TPMT: variants seen among roughly 807,000 people sequenced by gnomAD.
The protein encoded by TPMT is S-adenosyl-L-methionine:thiopurine S-methyltransferase.
Under a neutral mutation model 34.2 loss-of-function variants are expected in TPMT, and 18 were observed. The ratio of observed to expected loss-of-function variants is 0.53; its 90% CI spans 0.36 to 0.78. TPMT has a LOEUF of 0.78. TPMT is among the 30% of genes least tolerant of loss of function. The pLI, the probability that TPMT is intolerant of heterozygous loss-of-function variation, is 0.00. For missense variants in TPMT, 265 were observed against 288.1 expected (o/e 0.92, Z 0.58); for synonymous variants, 69 against 92.4 (o/e 0.75, Z 1.45).
rs903629228 is a variant in TPMT at position 18,132,618 on chromosome 6, T to C, written c.581-441A>G. On this transcript the variant is annotated intron_variant, in intron 7 of 8. Transcript: ENST00000309983. This position sits in a 1 kb window ranked among gnomAD's most constrained non-coding sequence, Gnocchi z 4.8. ...GACTCCACCTCCAGACAGGGCCTGC[T>C]GTATTTTCTTCCCAAAGGTTCTTTG... Among the ~76,000 whole-genome samples, 13 of 152,172 alleles carry C rather than the reference T, an allele frequency of 8.5e-5. No individual in the cohort carries two copies. The highest frequency in any genetic ancestry group is 3.1e-4 in the African/African-American group (13 of 41,448).
Position 18,153,301 on chromosome 6 carries a change from A to G in TPMT, c.-45+1732T>C, listed in dbSNP as rs1342394830. Among the ~76,000 whole-genome samples the G allele has an allele frequency of 6.6e-6, 1 of 152,236 alleles. No individual in the cohort carries two copies. Among genetic ancestry groups the G allele is most frequent in the Non-Finnish European group, 1.5e-5 (1 of 68,050 alleles). ...CTTCTCATTCTTCAGCTGACAGACC[A>G]TAACTGCAGATCCATCTGAATGTAT... On this transcript the variant is annotated intron_variant, in intron 1 of 8. Transcript: ENST00000309983. This position sits in a 1 kb window ranked among gnomAD's most constrained non-coding sequence, Gnocchi z 4.2.
chr6:18,134,879 A>G (rs935884367), intron 6 of TPMT, among the ~76,000 whole-genome samples: 3 of 152,188 alleles, frequency 2.0e-5, no homozygotes, highest in Non-Finnish European at 4.4e-5. Flanking sequence ...GAGACAGGCC[A>G]AGGACAAAGA....
rs1784242028 is a variant in TPMT, at chr6:18,146,105, T to C, written c.233+1718A>G. Reference sequence around the variant, plus strand: ...TCAATACATAGATCAGTTACATAAATGAAAAATCATCTACTATCATAACTT... The same window carrying C: ...TCAATACATAGATCAGTTACATAAACGAAAAATCATCTACTATCATAACTT... On this transcript the variant is annotated intron_variant, in intron 3 of 8. Transcript: ENST00000309983. The surrounding 1 kb of genome is among the most constrained non-coding windows in gnomAD (Gnocchi z 6.2). Among the ~76,000 whole-genome samples the C allele has an allele frequency of 2.0e-5, 3 of 152,272 alleles. No individual in the cohort carries two copies. In the South Asian group the frequency reaches 6.2e-4, roughly 32 times the overall value.
In TPMT at chr6:18,145,021, C is replaced by A. The variant is rs1382171926; in HGVS notation, c.234-1293G>T. Among the ~76,000 whole-genome samples the A allele has an allele frequency of 6.6e-6, 1 of 152,152 alleles. No individual in the cohort carries two copies. Among genetic ancestry groups the A allele is most frequent in the Non-Finnish European group, 1.5e-5 (1 of 68,034 alleles). On this transcript the variant is annotated intron_variant, in intron 3 of 8. Coordinates refer to ENST00000309983, the MANE Select transcript of TPMT (RefSeq NM_000367.5). This position sits in a 1 kb window ranked among gnomAD's most constrained non-coding sequence, Gnocchi z 5.6. ...CAGTCCTGGTAAGTTTTATAATGAA[C>A]AGAATTCAGTCTCAGGATCTTGGAC...
chr6:18,146,183 A>T lies in TPMT; in HGVS notation c.233+1640T>A, dbSNP rs1784243591. ...GCTCAGTTCATATATATATATACATAAAAATAACTGTATTTACGTATATAT... is the reference window on the plus strand; with the variant it reads ...GCTCAGTTCATATATATATATACATTAAAATAACTGTATTTACGTATATAT... On this transcript the variant is annotated intron_variant, in intron 3 of 8. Transcript: ENST00000309983. The surrounding 1 kb of genome is among the most constrained non-coding windows in gnomAD (Gnocchi z 6.2). 6.6e-6 allele frequency among the ~76,000 whole-genome samples: 1 copy of T among 151,822 alleles called. No individual in the cohort carries two copies. The highest frequency in any genetic ancestry group is 1.9e-4 in the East Asian group (1 of 5,190).
Position 18,145,023 on chromosome 6 carries a change from GA to G in TPMT, c.234-1296del, listed in dbSNP as rs1171540215. On this transcript the variant is annotated intron_variant, in intron 3 of 8. Transcript: ENST00000309983. This position sits in a 1 kb window ranked among gnomAD's most constrained non-coding sequence, Gnocchi z 5.6. The stretch of plus-strand genomic sequence containing the variant: ...GTCCTGGTAAGTTTTATAATGAACA[GA>G]ATTCAGTCTCAGGATCTTGGACTCA... Among the ~76,000 whole-genome samples, 1 of 152,182 alleles carries G rather than the reference GA, an allele frequency of 6.6e-6. No individual in the cohort carries two copies. Among genetic ancestry groups the G allele is most frequent in the African/African-American group, 2.4e-5 (1 of 41,458 alleles).
chr6:18,149,154 A>G lies in TPMT; in HGVS notation c.-27T>C. On this transcript the variant is annotated 5_prime_UTR_variant, in exon 2 of 9. Coordinates refer to ENST00000309983, the MANE Select transcript of TPMT (RefSeq NM_000367.5). The surrounding 1 kb of genome is among the most constrained non-coding windows in gnomAD (Gnocchi z 5.0). ...GTTTCAGAGACACCTTTGTCTCACAAGCATATGTCTTCCGTGCCTACGTGG... is the reference window on the plus strand; with the variant it reads ...GTTTCAGAGACACCTTTGTCTCACAGGCATATGTCTTCCGTGCCTACGTGG... 1 of 1,613,936 alleles carries G rather than the reference A, an allele frequency of 6.2e-7. No homozygotes were observed. Among genetic ancestry groups the G allele is most frequent in the Admixed American group, 1.7e-5 (1 of 60,022 alleles).
chr6:18,152,585 T>A (rs1472064805), intron 1 of TPMT, among the ~76,000 whole-genome samples: 1 of 150,054 alleles, frequency 6.7e-6, no homozygotes, highest in Non-Finnish European at 1.5e-5. Flanking sequence ...TTCCTTTTCT[T>A]TCTTTCTTTT....
rs1464474329 is a variant in TPMT, at chr6:18,136,651, T to C, written c.494+2312A>G. ...GGAGAAACCCCGTCTCTACTAAAAA[T>C]ACAAAAAAATTAGCCGGGTGTGGTG... On this transcript the variant is annotated intron_variant, in intron 6 of 8. Transcript: ENST00000309983. The surrounding 1 kb of genome is among the most constrained non-coding windows in gnomAD (Gnocchi z 4.7). Among the ~76,000 whole-genome samples, 2 of 151,966 alleles carry C rather than the reference T, an allele frequency of 1.3e-5. No individual in the cohort carries two copies. Among genetic ancestry groups the C allele is most frequent in the African/African-American group, 4.8e-5 (2 of 41,388 alleles).
At position 18,145,557 on chromosome 6, in the gene TPMT, C is replaced by A. The variant is rs1347002514; in HGVS notation, c.234-1829G>T. On this transcript the variant is annotated intron_variant, in intron 3 of 8. Transcript: ENST00000309983. The surrounding 1 kb of genome is among the most constrained non-coding windows in gnomAD (Gnocchi z 5.6). ...CAGTTTTGAAACAAGTATAGCAGGA[C>A]TGACTGTACCTTTTATCTACAAAAG... Among the ~76,000 whole-genome samples, 1 of 152,204 alleles carries A rather than the reference C, an allele frequency of 6.6e-6. No individual in the cohort carries two copies. The highest frequency in any genetic ancestry group is 1.5e-5 in the Non-Finnish European group (1 of 68,036).
In TPMT at chr6:18,138,263, TG is replaced by T. The variant is rs1206273600; in HGVS notation, c.494+699del. ...ACCACATGAAATATTTTGATTTTTTTGTTTTTTTTTTTTTTTAAATATTTTA... is the reference window on the plus strand; with the variant it reads ...ACCACATGAAATATTTTGATTTTTTTTTTTTTTTTTTTTTTAAATATTTTA... On this transcript the variant is annotated intron_variant, in intron 6 of 8. Transcript: ENST00000309983. This position sits in a 1 kb window ranked among gnomAD's most constrained non-coding sequence, Gnocchi z 4.1. Among the ~76,000 whole-genome samples the T allele has an allele frequency of 0.026, 2,093 of 80,988 alleles. 38 individuals carry two copies. The highest frequency in any genetic ancestry group is 0.081 in the African/African-American group (1,675 of 20,698). 53.1% of individuals were successfully genotyped at this position (80,988 alleles called of 152,430 possible). A position where few individuals can be genotyped will look rare whatever the true frequency, so the allele number is the denominator to read the frequency against.
intron 4 of TPMT, among the ~76,000 whole-genome samples, chr6:18,142,915 A>G (rs1414659627): frequency 6.6e-6 from 1 of 151,420 alleles, no homozygotes; most frequent in African/African-American, 2.4e-5. Context: ...ATGCCCCATC[A>G]CTCTCCTTGC....
At position 18,130,256 on chromosome 6, in the gene TPMT, G is replaced by C. The variant is rs1369584870; in HGVS notation, c.*412C>G. On this transcript the variant is annotated 3_prime_UTR_variant, in exon 9 of 9. Transcript: ENST00000309983. The surrounding 1 kb of genome is among the most constrained non-coding windows in gnomAD (Gnocchi z 4.2). ...GCTGAGATTGCACCATTGCACTCCA[G>C]GTTGGGCAACAAGAACGAAACTCCA... The C allele has an allele frequency of 5.2e-6, 1 of 192,508 alleles. No homozygotes were observed. The highest frequency in any genetic ancestry group is 1.1e-5 in the Non-Finnish European group (1 of 94,076). 11.9% of individuals were successfully genotyped at this position (192,508 alleles called of 1,614,324 possible). A position where few individuals can be genotyped will look rare whatever the true frequency, so the allele number is the denominator to read the frequency against.
At chr6:18,152,291 C>T (rs530394808) in intron 1 of TPMT, among the ~76,000 whole-genome samples, 1 of 152,144 alleles carries the variant, frequency 6.6e-6, no homozygotes, top group Admixed American at 6.5e-5. Context: ...TTTGCCTTTC[C>T]AAAATTTTAC....
rs890676482 is a variant in TPMT at position 18,154,738 on chromosome 6, A to G, written c.-45+295T>C. 3.3e-5 allele frequency among the ~76,000 whole-genome samples: 5 copies of G among 152,302 alleles called. No homozygotes were observed. In the East Asian group the frequency reaches 7.7e-4, roughly 23 times the overall value. The stretch of plus-strand genomic sequence containing the variant: ...CAGTGAGCTATGATTGTGCCACTGC[A>G]CGCTAGCATGGGCGACAGAGGGAGA... On this transcript the variant is annotated intron_variant, in intron 1 of 8. Coordinates refer to ENST00000309983, the MANE Select transcript of TPMT (RefSeq NM_000367.5). The surrounding 1 kb of genome is among the most constrained non-coding windows in gnomAD (Gnocchi z 4.2).
At position 18,139,535 on chromosome 6, in the gene TPMT, G is replaced by T; in HGVS notation, c.419+130C>A. 1.3e-6 allele frequency: 1 copy of T among 783,444 alleles called. No individual in the cohort carries two copies. The allele number at this position is 783,444 out of a possible 1,614,324, so 48.5% of individuals were successfully genotyped here. A position where few individuals can be genotyped will look rare whatever the true frequency, so the allele number is the denominator to read the frequency against. ...GTGTAATAAAAATATCTGCAGAACA[G>T]ACATTCAAAAAAATGCTTTGTGGAT... On this transcript the variant is annotated intron_variant, in intron 5 of 8. Transcript: ENST00000309983. This position sits in a 1 kb window ranked among gnomAD's most constrained non-coding sequence, Gnocchi z 4.2.
Position 18,140,479 on chromosome 6 carries a change from C to T in TPMT, c.367-762G>A, listed in dbSNP as rs1016822809. 2.0e-5 allele frequency among the ~76,000 whole-genome samples: 3 copies of T among 152,060 alleles called. No individual in the cohort carries two copies. The East Asian group carries it at 5.8e-4, about 29-fold the overall frequency. On this transcript the variant is annotated intron_variant, in intron 4 of 8. Transcript: ENST00000309983. This position sits in a 1 kb window ranked among gnomAD's most constrained non-coding sequence, Gnocchi z 4.7. ...CTGAAGCAGGCAGATCGCTTGAGCC[C>T]AGGAGTATGAGACCAGCCTGGGCAA...
Position 18,136,239 on chromosome 6 carries a change from A to T in TPMT, c.495-2350T>A, listed in dbSNP as rs560140142. Among the ~76,000 whole-genome samples, 1 of 151,956 alleles carries T rather than the reference A, an allele frequency of 6.6e-6. No individual in the cohort carries two copies. ...CATTAGCAGATGGGGTTTCATATAC[A>T]AATGTGTCTCACGGAGACAGAGGTC... is the stretch of plus-strand genomic sequence containing the variant. On this transcript the variant is annotated intron_variant, in intron 6 of 8. Transcript: ENST00000309983. The surrounding 1 kb of genome is among the most constrained non-coding windows in gnomAD (Gnocchi z 4.7).
rs199599951 is a variant in TPMT at position 18,152,346 on chromosome 6, T to TA, written c.-45+2686dup. On this transcript the variant is annotated intron_variant, in intron 1 of 8. Coordinates refer to ENST00000309983, the MANE Select transcript of TPMT (RefSeq NM_000367.5). ...CTGGCTATCCTAGTACTTTATGCCTTAAAAAAAAATTCTGTTATTTTCAGG... is the reference window on the plus strand; with the variant it reads ...CTGGCTATCCTAGTACTTTATGCCTTAAAAAAAAAATTCTGTTATTTTCAGG... 7.4e-3 allele frequency among the ~76,000 whole-genome samples: 1,117 copies of TA among 151,774 alleles called. 13 individuals carry two copies. Among genetic ancestry groups the TA allele is most frequent in the African/African-American group, 0.025 (1,054 of 41,418 alleles).
Sources: gnomAD v4.1 joint callset for allele counts (sites outside exome capture counted in the v4.1 genomes callset) on GRCh38, gnomAD v4.1.1 for gene constraint, Gnocchi (gnomAD v3.1) non-coding constraint, MANE v1.5 for transcripts, NCBI Gene and HGNC (gene_info 2026-07-23, HGNC 2026-07-21) for gene names.